Variants in TEP1 observed in about 807,000 individuals in gnomAD.
TEP1 encodes the protein telomerase protein component 1.
Under a neutral mutation model 306.3 loss-of-function variants are expected in TEP1, and 241 were observed. That is an observed-to-expected ratio of 0.79 (90% CI 0.71 to 0.88). The LOEUF is 0.88. TEP1 is among the 40% of genes least tolerant of loss of function. The pLI is 0.00. For missense variants in TEP1, 3,051 were observed against 3,276.1 expected (o/e 0.93, Z 1.68); for synonymous variants, 1,289 against 1,305.5 (o/e 0.99, Z 0.27).
At position 20,404,615 on chromosome 14, in the gene TEP1, TA is replaced by T; in HGVS notation, c.1027del (p.Tyr343ThrfsTer23). On this transcript the variant is annotated frameshift_variant, in exon 5 of 55. Transcript: ENST00000262715. LOFTEE classifies it high-confidence loss of function. ...PSDWIQVAEL[Y>X]QSLAEGDKNK... Reference sequence around the variant, plus strand: ...TCAGGGAAATGAGCACCATACCTGGTAAAGCTCAGCCACCTGGATCCAGTCA... The same window carrying T: ...TCAGGGAAATGAGCACCATACCTGGTAAGCTCAGCCACCTGGATCCAGTCA... 6.2e-7 allele frequency: 1 copy of T among 1,612,532 alleles called. No individual in the cohort carries two copies. Among genetic ancestry groups the T allele is most frequent in the East Asian group, 2.2e-5 (1 of 44,794 alleles).
chr14:20,372,902 G>C (rs373483093), intron 48 of TEP1, 45 bp from the exon 49 acceptor site: 2 of 1,613,534 alleles, frequency 1.2e-6, no homozygotes, highest in African/African-American at 1.3e-5. Context: ...GATGAGCCAG[G>C]ATGCACCATC....
In TEP1 at chr14:20,386,525, C is replaced by A. The variant is rs778221870; in HGVS notation, c.2783G>T (p.Arg928Leu). 2.5e-6 allele frequency: 4 copies of A among 1,612,988 alleles called. No individual in the cohort carries two copies. Among genetic ancestry groups the A allele is most frequent in the Non-Finnish European group, 3.4e-6 (4 of 1,179,476 alleles). Residue 928 changes from arginine (R) to leucine (L), a missense_variant, in exon 19 of 55, where the codon CGA (arginine) becomes CTA (leucine). Transcript: ENST00000262715. ...AAGGCTGATACGGTGAGGGGCCGCT[C>A]GGGCCTGCAGTGCTGGCAGCACAGA... ...LRSVLPALQA[R>L]AAPHRISLHG...
Position 20,383,286 on chromosome 14 carries a change from C to T in TEP1, c.3935G>A (p.Gly1312Asp). ...GLGETLEQSQ[G>D]AHVLALGPLE... The stretch of plus-strand genomic sequence containing the variant: ...AGGCCCCAAGGCCAGCACGTGGGCA[C>T]CCTGGCTCTGCTCAAGGGTCTCCCC... The change falls in exon 27 of 55, where the codon GGT becomes GAT. Residue 1312 changes from glycine to aspartate, a missense_variant. Transcript: ENST00000262715. The T allele has an allele frequency of 6.2e-7, 1 of 1,613,394 alleles. No individual in the cohort carries two copies. Among genetic ancestry groups the T allele is most frequent in the South Asian group, 1.1e-5 (1 of 90,924 alleles).
At chr14:20,411,375 C>T (rs1015892544) in intron 1 of TEP1, among the ~76,000 whole-genome samples, 2 of 152,196 alleles carry the variant, frequency 1.3e-5, no homozygotes, top group African/African-American at 4.8e-5. Context: ...CTTTCTTCTA[C>T]CAATACCACC....
At position 20,374,553 on chromosome 14, in the gene TEP1, C is replaced by CA. The variant is rs751848150; in HGVS notation, c.6364-18dup. On this transcript the variant is annotated splice_polypyrimidine_tract_variant and intron_variant, in intron 43 of 54. Coordinates refer to ENST00000262715, the MANE Select transcript of TEP1 (RefSeq NM_007110.5). Reference sequence around the variant, plus strand: ...GCAGGATATCTACAGAGTCAGAAGTCAGAGGAGTGGGATTATCAGCATCCC... The same window carrying CA: ...GCAGGATATCTACAGAGTCAGAAGTCAAGAGGAGTGGGATTATCAGCATCCC... 5.9e-5 allele frequency: 94 copies of CA among 1,584,546 alleles called. 1 individual carries two copies. In the South Asian group the frequency reaches 6.6e-4, roughly 11 times the overall value.
intron 51 of TEP1, among the ~76,000 whole-genome samples, chr14:20,370,468 C>T (rs1167838962): frequency 2.6e-5 from 4 of 152,202 alleles, no homozygotes; most frequent in Non-Finnish European, 5.9e-5. Flanking sequence ...TTGTAACTGG[C>T]TTCCTTTGCC....
At chr14:20,412,734 C>T (rs1315084957) in intron 1 of TEP1, among the ~76,000 whole-genome samples, 1 of 136,550 alleles carries the variant, frequency 7.3e-6, no homozygotes, top group African/African-American at 2.7e-5. Flanking sequence ...GTTCAGCTCA[C>T]TGCAATCTCT....
intron 4 of TEP1, among the ~76,000 whole-genome samples, chr14:20,405,110 T>C (rs1320018618): frequency 6.6e-6 from 1 of 152,206 alleles, no homozygotes; most frequent in Non-Finnish European, 1.5e-5. Context: ...CAAAGCATCA[T>C]AGAAGATATT....
chr14:20,402,300 T>C (rs1878820847), intron 7 of TEP1, among the ~76,000 whole-genome samples: 1 of 152,174 alleles, frequency 6.6e-6, no homozygotes, highest in Non-Finnish European at 1.5e-5. Flanking sequence ...AGAGCAAGAC[T>C]TCGTCTCAAA....
At position 20,396,607 on chromosome 14, in the gene TEP1, C is replaced by T. The variant is rs1878220761; in HGVS notation, c.1659+14G>A. On this transcript the variant is annotated intron_variant, in intron 10 of 54. Transcript: ENST00000262715. ...AGTTGCTGGGCCCCATGGCTACCAG[C>T]CCCTCACACATACCGCATGCTGGAG... 3.1e-6 allele frequency: 5 copies of T among 1,593,352 alleles called. No individual in the cohort carries two copies. The highest frequency in any genetic ancestry group is 1.3e-5 in the African/African-American group (1 of 74,700).
chr14:20,386,337 C>G lies in TEP1; in HGVS notation c.2861+110G>C, dbSNP rs1418927375. On this transcript the variant is annotated intron_variant, in intron 19 of 54. Coordinates refer to ENST00000262715, the MANE Select transcript of TEP1 (RefSeq NM_007110.5). Reference sequence around the variant, plus strand: ...GCTCTTGTTAGTATCCAAGGAGCGACTCCCGCCTTCACCCTCATCCATTCT... The same window carrying G: ...GCTCTTGTTAGTATCCAAGGAGCGAGTCCCGCCTTCACCCTCATCCATTCT... The G allele has an allele frequency of 6.3e-6, 10 of 1,579,988 alleles. No individual in the cohort carries two copies. In the African/African-American group the frequency reaches 1.1e-4, roughly 17 times the overall value.
chr14:20,380,027 G>A lies in TEP1; in HGVS notation c.5030C>T (p.Ser1677Leu), dbSNP rs1276144571. The A allele has an allele frequency of 2.5e-6, 4 of 1,613,876 alleles. No homozygotes were observed. The highest frequency in any genetic ancestry group is 3.4e-6 in the Non-Finnish European group (4 of 1,179,954). Residue 1677 changes from serine (S) to leucine (L), a missense_variant, in exon 35 of 55, where the codon TCA becomes TTA. This residue lies in a region of TEP1 where 1,540 missense variants were observed against 1,705.9 expected (regional missense o/e 0.90). Transcript: ENST00000262715. ...QSSSLSLAVS[S>L]SPTAVAFSTN... ...GGAGAAGGCCACAGCAGTAGGGGAT[G>A]AGGAAACTGCCAGAGACAGGCTGGA... is the stretch of plus-strand genomic sequence containing the variant.
At chr14:20,380,808 A>G in intron 33 of TEP1, 123 bp downstream of exon 33, 1 of 853,824 alleles carries the variant, frequency 1.2e-6, no homozygotes, top group Non-Finnish European at 1.8e-6. Context: ...TCAACTCGAA[A>G]TGGAAATTTG....
rs555827102 is a variant in TEP1, at chr14:20,396,457, C to G, written c.1659+164G>C. 1.1e-4 allele frequency among the ~76,000 whole-genome samples: 16 copies of G among 152,346 alleles called. No individual in the cohort carries two copies. The South Asian group carries it at 3.3e-3, about 32-fold the overall frequency. ...ACTGAACCCCAAAACTTATCTCCCTCAACCTAGCTGTATTCCCAGATCTAC... is the reference window on the plus strand; with the variant it reads ...ACTGAACCCCAAAACTTATCTCCCTGAACCTAGCTGTATTCCCAGATCTAC... On this transcript the variant is annotated intron_variant, in intron 10 of 54. Coordinates refer to ENST00000262715, the MANE Select transcript of TEP1 (RefSeq NM_007110.5).
chr14:20,371,139 C>A, intron 51 of TEP1, 79 bp downstream of exon 51: 1 of 1,240,448 alleles, frequency 8.1e-7, no homozygotes, highest in Non-Finnish European at 1.2e-6. Flanking sequence ...CTTCCCTATC[C>A]TCCATGACGG....
At chr14:20,391,549 C>T in intron 13 of TEP1, 50 bp downstream of exon 13, 1 of 1,571,902 alleles carries the variant, frequency 6.4e-7, no homozygotes, top group Non-Finnish European at 8.7e-7. Context: ...CTCAGGATCC[C>T]CAGCATTCTA....
chr14:20,404,822 T>C lies in TEP1; in HGVS notation c.871-50A>G, dbSNP rs147955793. The C allele has an allele frequency of 1.3e-3, 1,963 of 1,545,752 alleles. 5 individuals are homozygous for C. The highest frequency in any genetic ancestry group is 5.9e-3 in the Middle Eastern group (30 of 5,128). On this transcript the variant is annotated intron_variant, in intron 4 of 54. Transcript: ENST00000262715. ...GAATCTCAGTCACTCCTCCCGTAGC[T>C]TTCTGCCCTGAAATTACTTGCTGAT...
At position 20,377,693 on chromosome 14, in the gene TEP1, A is replaced by G; in HGVS notation, c.5782T>C (p.Ser1928Pro). ...CTGAGTGCCACAGAGAGGGCAGGAG[A>G]GAGAGAAAGGGAACCCAGGTGCCCA... ...PRGHLGSLSL[S>P]PALSVALSPD... Residue 1928 changes from serine (S) to proline (P), a missense_variant, in exon 40 of 55, where the codon TCT (serine) becomes CCT (proline). By Grantham distance (74) the Ser-to-Pro change is moderately conservative (BLOSUM62 -1). Transcript: ENST00000262715. The G allele has an allele frequency of 6.2e-7, 1 of 1,613,956 alleles. No individual in the cohort carries two copies. Among genetic ancestry groups the G allele is most frequent in the South Asian group, 1.1e-5 (1 of 91,050 alleles).
In TEP1 at chr14:20,401,027, C is replaced by T; in HGVS notation, c.1506G>A (p.Leu502=). The change falls in exon 9 of 55, where the codon CTG becomes CTA. Residue 502 remains leucine, a synonymous_variant. Transcript: ENST00000262715. ...CCGACGCTTTGTTCCCCCGTAGGCTCAGCTCCCGCTCCCAGGTCTCTGGCC... is the reference window on the plus strand; with the variant it reads ...CCGACGCTTTGTTCCCCCGTAGGCTTAGCTCCCGCTCCCAGGTCTCTGGCC... The part of the protein sequence containing the change: ...LSRPETWERE[L]SLRGNKASVW... 6.2e-7 allele frequency: 1 copy of T among 1,614,236 alleles called. No homozygotes were observed. Among genetic ancestry groups the T allele is most frequent in the Non-Finnish European group, 8.5e-7 (1 of 1,180,050 alleles).
Sources: gnomAD v4.1 joint callset for allele counts (sites outside exome capture counted in the v4.1 genomes callset) on GRCh38, gnomAD v4.1.1 for gene constraint, gnomAD v4.1.1 regional missense constraint, MANE v1.5 for transcripts, NCBI Gene and HGNC (gene_info 2026-07-23, HGNC 2026-07-21) for gene names.